The following TCF7L1 variants were observed in gnomAD, a reference collection of about 807,000 sequenced individuals.
TCF7L1 encodes the protein transcription factor 7-like 1.
Under a neutral mutation model 63.7 loss-of-function variants are expected in TCF7L1, and 18 were observed. The observed-to-expected ratio is 0.28, with a 90% CI of 0.20 to 0.42. The LOEUF is 0.42. TCF7L1 is among the 10% of genes least tolerant of loss of function. The probability of loss-of-function intolerance (pLI) is 1.00; values close to 1 mark genes in which losing one functional copy is unlikely to be tolerated. For synonymous variants in TCF7L1, 355 were observed against 340.9 expected, an observed-to-expected ratio of 1.04 and a Z score of -0.46; for missense variants, 654 against 779.3, an observed-to-expected ratio of 0.84 and a Z score of 1.91.
intron 3 of TCF7L1, among the ~76,000 whole-genome samples, chr2:85,180,235 T>G (rs1295279220): frequency 8.1e-5 from 11 of 135,638 alleles, no homozygotes; most frequent in Admixed American, 1.4e-4. Context: ...TTTGTTTTTG[T>G]TTTTTTTTTT....
At chr2:85,214,415 T>C (rs765023295) in intron 3 of TCF7L1, among the ~76,000 whole-genome samples, 1 of 152,212 alleles carries the variant, frequency 6.6e-6, no homozygotes, top group Non-Finnish European at 1.5e-5. Flanking sequence ...CCGATAGGAC[T>C]AGTTGTGTTA....
chr2:85,309,102 C>T lies in TCF7L1; in HGVS notation c.1407C>T (p.Ala469=). ...LPPEKPCDSP[A]SSHGSMLDSP... is the part of the protein sequence containing the mutation. Reference sequence around the variant, plus strand: ...CCGAGAAGCCCTGTGACAGCCCTGCCTCCTCCCACGGGAGCATGCTGGACT... The same window carrying T: ...CCGAGAAGCCCTGTGACAGCCCTGCTTCCTCCCACGGGAGCATGCTGGACT... The change falls in exon 12 of 12, where the codon GCC becomes GCT. Residue 469 remains alanine, a synonymous_variant. Coordinates refer to ENST00000282111, the MANE Select transcript of TCF7L1 (RefSeq NM_031283.3). 1 of 1,613,904 alleles carries T rather than the reference C, an allele frequency of 6.2e-7. No individual in the cohort carries two copies. Among genetic ancestry groups the T allele is most frequent in the East Asian group, 2.2e-5 (1 of 44,880 alleles).
At chr2:85,150,368 A>G (rs961261108) in intron 3 of TCF7L1, among the ~76,000 whole-genome samples, 1 of 151,744 alleles carries the variant, frequency 6.6e-6, no homozygotes, top group African/African-American at 2.4e-5. Flanking sequence ...TGAGTAGCTG[A>G]GACTACAGGC....
chr2:85,268,872 G>GT (rs1681077013), intron 3 of TCF7L1, among the ~76,000 whole-genome samples: 1 of 152,186 alleles, frequency 6.6e-6, no homozygotes, highest in Admixed American at 6.5e-5. Context: ...GGGCAGCAGG[G>GT]TGTGTGACCG....
chr2:85,134,142 G>T lies in TCF7L1; in HGVS notation c.313+63G>T. The T allele has an allele frequency of 6.3e-7, 1 of 1,580,114 alleles. No homozygotes were observed. On this transcript the variant is annotated intron_variant, in intron 2 of 11. Coordinates refer to ENST00000282111, the MANE Select transcript of TCF7L1 (RefSeq NM_031283.3). The surrounding 1 kb of genome is among the most constrained non-coding windows in gnomAD (Gnocchi z 5.0). ...CCGCTGCGCTCCGCTGCTCAGCCCG[G>T]GCGGCCCACCGTCCCCCTTGCTTGG...
intron 3 of TCF7L1, among the ~76,000 whole-genome samples, chr2:85,161,991 G>A (rs1289922268): frequency 1.3e-5 from 2 of 152,132 alleles, no homozygotes; most frequent in South Asian, 2.1e-4. Context: ...CCACAGGCCT[G>A]GTGGTCTGCC....
intron 11 of TCF7L1, among the ~76,000 whole-genome samples, chr2:85,308,396 T>TCCCCCCTCCCTCCCTCCCTTTCCCC (rs1253056128): frequency 9.1e-6 from 1 of 109,428 alleles, no homozygotes; most frequent in Non-Finnish European, 1.8e-5. Context: ...TCCCTCCCAT[T>TCCCCCCTCCCTCCCTCCCTTTCCCC]CTCCTTCCCT....
intron 3 of TCF7L1, among the ~76,000 whole-genome samples, chr2:85,186,001 C>G (rs546216762): frequency 1.1e-4 from 15 of 135,214 alleles, no homozygotes; most frequent in African/African-American, 4.3e-4. Flanking sequence ...GAGTCTCGCT[C>G]TGTCGCCTAG....
intron 3 of TCF7L1, among the ~76,000 whole-genome samples, chr2:85,138,546 C>T (rs1020101773): frequency 6.6e-6 from 1 of 151,958 alleles, no homozygotes; most frequent in Non-Finnish European, 1.5e-5. Context: ...GGGCTTTTCA[C>T]ATGGAACAAG....
At chr2:85,143,193 G>C (rs1405758965) in intron 3 of TCF7L1, among the ~76,000 whole-genome samples, 1 of 152,146 alleles carries the variant, frequency 6.6e-6, no homozygotes, top group Non-Finnish European at 1.5e-5. Context: ...TATTCAAGAG[G>C]AGGAACAAGG....
chr2:85,257,222 A>G (rs1319176230), intron 3 of TCF7L1, among the ~76,000 whole-genome samples: 2 of 152,010 alleles, frequency 1.3e-5, no homozygotes, highest in Non-Finnish European at 2.9e-5. Flanking sequence ...TTAAAGATTC[A>G]TTGAGCCGCA....
At chr2:85,144,717 C>CTGTGTG (rs1383351841) in intron 3 of TCF7L1, among the ~76,000 whole-genome samples, 1 of 98,646 alleles carries the variant, frequency 1.0e-5, no homozygotes, top group Non-Finnish European at 2.5e-5. Context: ...CTCTCTCTCT[C>CTGTGTG]TCTGTGTGTG....
At chr2:85,223,126 G>C (rs1053639290) in intron 3 of TCF7L1, among the ~76,000 whole-genome samples, 1 of 152,188 alleles carries the variant, frequency 6.6e-6, no homozygotes, top group African/African-American at 2.4e-5. Context: ...CAGTCGCCTA[G>C]GCTAGAGTGC....
chr2:85,241,580 G>A (rs1006881771), intron 3 of TCF7L1, among the ~76,000 whole-genome samples: 3 of 151,046 alleles, frequency 2.0e-5, no homozygotes, highest in African/African-American at 7.3e-5. Flanking sequence ...CTGACAGCTA[G>A]GATTACAGGT....
chr2:85,256,696 A>G (rs749563328), intron 3 of TCF7L1, among the ~76,000 whole-genome samples: 7 of 152,300 alleles, frequency 4.6e-5, no homozygotes, highest in Admixed American at 2.0e-4. Context: ...GGTTACATTG[A>G]TATTTACATA....
chr2:85,254,755 C>G (rs1249476077), intron 3 of TCF7L1, among the ~76,000 whole-genome samples: 1 of 152,194 alleles, frequency 6.6e-6, no homozygotes, highest in African/African-American at 2.4e-5. Context: ...CCCCTGCCCC[C>G]ACCCTGTCTG....
chr2:85,229,277 G>C (rs1680022353), intron 3 of TCF7L1, among the ~76,000 whole-genome samples: 1 of 152,168 alleles, frequency 6.6e-6, no homozygotes, highest in South Asian at 2.1e-4. Flanking sequence ...AACCCGGGAG[G>C]CGGAGCTTGC....
intron 4 of TCF7L1, among the ~76,000 whole-genome samples, chr2:85,287,599 TA>T (rs1163447243): frequency 6.6e-6 from 1 of 152,162 alleles, no homozygotes. Flanking sequence ...GCAACATGGA[TA>T]GTTTTCTAGT....
intron 3 of TCF7L1, among the ~76,000 whole-genome samples, chr2:85,163,240 A>G (rs536134092): frequency 6.6e-6 from 1 of 152,286 alleles, no homozygotes; most frequent in Admixed American, 6.5e-5. Flanking sequence ...GGGGCTTCTA[A>G]TATGCAGCCA....
Sources: allele counts gnomAD v4.1 joint callset (sites outside exome capture counted in the v4.1 genomes callset), GRCh38; gene constraint gnomAD v4.1.1; non-coding constraint Gnocchi (gnomAD v3.1); transcripts MANE v1.5; gene names NCBI Gene and HGNC (gene_info 2026-07-23, HGNC 2026-07-21).